The following CAMTA1 variants were observed in gnomAD, a reference collection of about 807,000 sequenced individuals.
The protein encoded by CAMTA1 is calmodulin binding transcription activator 1, also known as calmodulin-binding transcription activator 1.
CAMTA1 carries 27 observed loss-of-function variants against 170.9 expected under a neutral mutation model. That is an observed-to-expected ratio of 0.16 (90% CI 0.12 to 0.22). The LOEUF is 0.22. Ranked by LOEUF, CAMTA1 falls within the 10% of genes least tolerant of loss-of-function variation. The pLI, the probability that CAMTA1 is intolerant of heterozygous loss-of-function variation, is 1.00. For missense variants in CAMTA1, 1,619 were observed against 2,217.2 expected (o/e 0.73, Z 5.42); for synonymous variants, 833 against 891.5 (o/e 0.93, Z 1.17).
Position 6,971,824 on chromosome 1 carries a change from C to G in CAMTA1, c.235-119480C>G, listed in dbSNP as rs1418110406. Among the ~76,000 whole-genome samples, 2 of 152,238 alleles carry G rather than the reference C, an allele frequency of 1.3e-5. No homozygotes were observed. The highest frequency in any genetic ancestry group is 3.8e-4 in the East Asian group (2 of 5,202). On this transcript the variant is annotated intron_variant, in intron 3 of 22. Transcript: ENST00000303635. The surrounding 1 kb of genome is among the most constrained non-coding windows in gnomAD (Gnocchi z 4.6). ...GGTCTCAGCAATGGCATTATCACTG[C>G]TAACCCAGGTGTGACTTGGCTCCGC...
intron 8 of CAMTA1, 98 bp downstream of exon 8, chr1:7,661,964 C>G (rs2095962408): frequency 7.3e-7 from 1 of 1,377,320 alleles, no homozygotes; most frequent in African/African-American, 1.4e-5. Flanking sequence ...GCCATGACAT[C>G]TAGTGAGGGA....
At chr1:7,548,321 CT>C (rs1289258653) in intron 6 of CAMTA1, among the ~76,000 whole-genome samples, 2 of 152,282 alleles carry the variant, frequency 1.3e-5, no homozygotes, top group Admixed American at 6.5e-5. Context: ...GTGGGAGGGT[CT>C]GGCAAGCCTC....
At chr1:7,135,767 ACTCT>A (rs1260865675) in intron 4 of CAMTA1, among the ~76,000 whole-genome samples, 5 of 151,852 alleles carry the variant, frequency 3.3e-5, no homozygotes, top group Non-Finnish European at 5.9e-5. Context: ...TCTCTTTCTG[ACTCT>A]CTATCTGTCG....
intron 3 of CAMTA1, among the ~76,000 whole-genome samples, chr1:6,859,197 C>T (rs529895758): frequency 1.3e-4 from 20 of 152,010 alleles, no homozygotes; most frequent in South Asian, 1.2e-3. Flanking sequence ...GTGTAAATCG[C>T]GTGTGTGTTG....
chr1:7,623,659 C>T (rs1357780265), intron 6 of CAMTA1, among the ~76,000 whole-genome samples: 2 of 152,246 alleles, frequency 1.3e-5, no homozygotes, highest in African/African-American at 2.4e-5. Context: ...CCACCACACC[C>T]AGCTAATTCT....
chr1:7,075,166 T>A (rs762144401), intron 3 of CAMTA1, among the ~76,000 whole-genome samples: 2 of 152,216 alleles, frequency 1.3e-5, no homozygotes, highest in African/African-American at 4.8e-5. Context: ...ACAACTTTGG[T>A]CATAATTCCT....
intron 5 of CAMTA1, among the ~76,000 whole-genome samples, chr1:7,418,512 T>C (rs998776624): frequency 6.6e-6 from 1 of 152,186 alleles, no homozygotes; most frequent in African/African-American, 2.4e-5. Context: ...CAACACTTCC[T>C]GATGACCTCC....
In CAMTA1 at chr1:7,064,691, A is replaced by G. The variant is rs1708734495; in HGVS notation, c.235-26613A>G. 6.9e-6 allele frequency among the ~76,000 whole-genome samples: 1 copy of G among 144,868 alleles called. No homozygotes were observed. The highest frequency in any genetic ancestry group is 1.5e-5 in the Non-Finnish European group (1 of 66,962). On this transcript the variant is annotated intron_variant, in intron 3 of 22. Coordinates refer to ENST00000303635, the MANE Select transcript of CAMTA1 (RefSeq NM_015215.4). The surrounding 1 kb of genome is among the most constrained non-coding windows in gnomAD (Gnocchi z 5.4). ...AGACTGAAGCATGTCCCGGGACTGAAGGAAGTGGGGGCTGGAGTCCAGAGA... is the reference window on the plus strand; with the variant it reads ...AGACTGAAGCATGTCCCGGGACTGAGGGAAGTGGGGGCTGGAGTCCAGAGA...
At chr1:7,062,482 G>A (rs997988498) in intron 3 of CAMTA1, among the ~76,000 whole-genome samples, 3 of 152,156 alleles carry the variant, frequency 2.0e-5, no homozygotes, top group African/African-American at 7.2e-5. Context: ...TCGAGCGGCC[G>A]GTGCCAAGAA....
intron 3 of CAMTA1, among the ~76,000 whole-genome samples, chr1:6,973,115 G>A (rs181751174): frequency 2.7e-3 from 404 of 152,278 alleles, no homozygotes; most frequent in African/African-American, 9.2e-3. Context: ...GCCTCCCAAA[G>A]TGCTGGGATT....
intron 5 of CAMTA1, among the ~76,000 whole-genome samples, chr1:7,416,079 A>T (rs1402253692): frequency 2.6e-5 from 4 of 152,160 alleles, no homozygotes; most frequent in Non-Finnish European, 1.5e-5. Context: ...AGAATGTTGA[A>T]TATTGGCCCC....
chr1:7,621,674 T>C (rs1023807557), intron 6 of CAMTA1, among the ~76,000 whole-genome samples: 1 of 152,152 alleles, frequency 6.6e-6, no homozygotes, highest in South Asian at 2.1e-4. Context: ...CAAGGAAAGT[T>C]ATAACAAGGG....
At chr1:6,886,707 T>G (rs1196898629) in intron 3 of CAMTA1, among the ~76,000 whole-genome samples, 1 of 152,220 alleles carries the variant, frequency 6.6e-6, no homozygotes. Context: ...CCCTACCACA[T>G]GCTTCCAGCT....
At chr1:7,611,708 G>A (rs377133008) in intron 6 of CAMTA1, among the ~76,000 whole-genome samples, 20 of 152,226 alleles carry the variant, frequency 1.3e-4, no homozygotes, top group South Asian at 6.2e-4. Flanking sequence ...AGGCTCAGCC[G>A]GCCTTTCCCA....
chr1:7,146,559 G>A lies in CAMTA1; in HGVS notation c.302+55188G>A, dbSNP rs1646195541. ...GACACTCATCACCATGGCCTTCCTT[G>A]ACCCCGGCCACGTCCTGCCGGCTCC... On this transcript the variant is annotated intron_variant, in intron 4 of 22. Coordinates refer to ENST00000303635, the MANE Select transcript of CAMTA1 (RefSeq NM_015215.4). The surrounding 1 kb of genome is among the most constrained non-coding windows in gnomAD (Gnocchi z 4.3). Among the ~76,000 whole-genome samples the A allele has an allele frequency of 6.6e-6, 1 of 152,026 alleles. No individual in the cohort carries two copies. Among genetic ancestry groups the A allele is most frequent in the South Asian group, 2.1e-4 (1 of 4,828 alleles).
intron 3 of CAMTA1, chr1:6,834,764 A>G (rs1258785772): frequency 6.5e-6 from 1 of 154,244 alleles, no homozygotes; most frequent in African/African-American, 2.4e-5. Context: ...CAGCCTTCTG[A>G]GTAGCTGGGT....
At position 7,745,061 on chromosome 1, in the gene CAMTA1, C is replaced by G. The variant is rs2096847375; in HGVS notation, c.4370+39C>G. 5.8e-6 allele frequency: 9 copies of G among 1,550,344 alleles called. No homozygotes were observed. The East Asian group carries it at 1.8e-4, about 31-fold the overall frequency. ...CGGAGGTCACTACCCAGCATAGATT[C>G]CCGGATGTAATTGGAGGCAGGGGAG... On this transcript the variant is annotated intron_variant, in intron 17 of 22. Coordinates refer to ENST00000303635, the MANE Select transcript of CAMTA1 (RefSeq NM_015215.4).
chr1:7,527,049 C>A (rs1204519695), intron 6 of CAMTA1, among the ~76,000 whole-genome samples: 1 of 152,202 alleles, frequency 6.6e-6, no homozygotes, highest in Non-Finnish European at 1.5e-5. Context: ...ACTCTTCCTG[C>A]CCCAGGCCAG....
Position 7,044,940 on chromosome 1 carries a change from A to G in CAMTA1, c.235-46364A>G, listed in dbSNP as rs931373177. 2.0e-5 allele frequency among the ~76,000 whole-genome samples: 3 copies of G among 152,090 alleles called. No individual in the cohort carries two copies. The highest frequency in any genetic ancestry group is 3.4e-3 in the Middle Eastern group (1 of 294). Reference sequence around the variant, plus strand: ...AAAATAAAAACTCATACTTGTTTCTATGGGCTTCCTATGTTTCTTTGGAAG... The same window carrying G: ...AAAATAAAAACTCATACTTGTTTCTGTGGGCTTCCTATGTTTCTTTGGAAG... On this transcript the variant is annotated intron_variant, in intron 3 of 22. Transcript: ENST00000303635. The surrounding 1 kb of genome is among the most constrained non-coding windows in gnomAD (Gnocchi z 5.0).
Sources: allele counts gnomAD v4.1 joint callset (sites outside exome capture counted in the v4.1 genomes callset), GRCh38; gene constraint gnomAD v4.1.1; non-coding constraint Gnocchi (gnomAD v3.1); transcripts MANE v1.5; gene names NCBI Gene and HGNC (gene_info 2026-07-23, HGNC 2026-07-21).